The following CELF4 variants were observed in gnomAD, a reference collection of about 807,000 sequenced individuals.
CELF4 encodes CUGBP Elav-like family member 4, also known as CUG-BP- and ETR-3-like factor 4.
CELF4 carries 18 observed loss-of-function variants against 59.9 expected under a neutral mutation model. That is an observed-to-expected ratio of 0.30 (90% CI 0.21 to 0.45). The LOEUF (loss-of-function observed/expected upper bound fraction) is 0.45, where lower values mean the gene tolerates loss of function less well. Among genes scored for constraint, CELF4 ranks in the 20% least tolerant of loss-of-function variants. The probability of loss-of-function intolerance (pLI) is 1.00; values close to 1 mark genes in which losing one functional copy is unlikely to be tolerated. For missense variants in CELF4, 456 were observed against 689.0 expected (o/e 0.66, Z 3.79); for synonymous variants, 261 against 267.1 (o/e 0.98, Z 0.22).
At chr18:37,408,489 T>G (rs1007587865) in intron 2 of CELF4, among the ~76,000 whole-genome samples, 19 of 22,910 alleles carry the variant, frequency 8.3e-4, no homozygotes, top group Non-Finnish European at 1.6e-3. Context: ...CTTTGGTTGG[T>G]GCCGGGGGGG....
intron 2 of CELF4, among the ~76,000 whole-genome samples, chr18:37,338,795 G>GTGTGTGTGT (rs2097879098): frequency 3.1e-5 from 2 of 65,304 alleles, no homozygotes; most frequent in Admixed American, 1.5e-4. Flanking sequence ...TGTGTGTGTG[G>GTGTGTGTGT]TGTGTGTGAT....
chr18:37,423,991 G>A (rs898923827), intron 2 of CELF4, among the ~76,000 whole-genome samples: 1 of 151,904 alleles, frequency 6.6e-6, no homozygotes, highest in Non-Finnish European at 1.5e-5. Flanking sequence ...CTCCGCCACC[G>A]AGAAGCCTTC....
At chr18:37,496,536 T>A (rs1157694738) in intron 1 of CELF4, among the ~76,000 whole-genome samples, 2 of 152,158 alleles carry the variant, frequency 1.3e-5, no homozygotes, top group Non-Finnish European at 2.9e-5. Flanking sequence ...CAATAAATTT[T>A]TTTTAAAAAA....
At chr18:37,524,938 T>G (rs1481330696) in intron 1 of CELF4, among the ~76,000 whole-genome samples, 1 of 152,176 alleles carries the variant, frequency 6.6e-6, no homozygotes, top group Non-Finnish European at 1.5e-5. Flanking sequence ...CCCGCTTCGC[T>G]CTTTGAGCCC....
At chr18:37,344,872 C>T (rs1002656201) in intron 2 of CELF4, among the ~76,000 whole-genome samples, 1 of 152,180 alleles carries the variant, frequency 6.6e-6, no homozygotes, top group African/African-American at 2.4e-5. Flanking sequence ...ATTTCATCCC[C>T]CTAGAGATGC....
intron 2 of CELF4, among the ~76,000 whole-genome samples, 181 bp downstream of exon 2, chr18:37,485,344 A>G (rs901486946): frequency 6.6e-6 from 1 of 151,300 alleles, no homozygotes; most frequent in Admixed American, 6.6e-5. Flanking sequence ...CCTGTCCCGG[A>G]TCCCGTTGGG....
At chr18:37,265,740 C>T (rs1271809982) in intron 9 of CELF4, among the ~76,000 whole-genome samples, 3 of 152,170 alleles carry the variant, frequency 2.0e-5, no homozygotes, top group Non-Finnish European at 2.9e-5. Flanking sequence ...CTCCTCTGGG[C>T]TCCAGATGTG....
chr18:37,358,387 G>T (rs2098640045), intron 2 of CELF4, among the ~76,000 whole-genome samples: 1 of 152,204 alleles, frequency 6.6e-6, no homozygotes, highest in Non-Finnish European at 1.5e-5. Flanking sequence ...TGATTGTGAG[G>T]CTTCCCCAGC....
intron 1 of CELF4, among the ~76,000 whole-genome samples, chr18:37,555,600 C>A (rs1459508249): frequency 6.6e-6 from 1 of 151,934 alleles, no homozygotes; most frequent in African/African-American, 2.4e-5. Flanking sequence ...CCTCACCCAT[C>A]AACAGCGACA....
chr18:37,333,173 G>T lies in CELF4; in HGVS notation c.370-11292C>A, dbSNP rs568154249. Reference sequence around the variant, plus strand: ...CATATACTTGCTCATACAAGGCGGGGCTGTTAACTTAACCTCTGAGAGGCA... The same window carrying T: ...CATATACTTGCTCATACAAGGCGGGTCTGTTAACTTAACCTCTGAGAGGCA... On this transcript the variant is annotated intron_variant, in intron 2 of 12. Coordinates refer to ENST00000420428, the MANE Select transcript of CELF4 (RefSeq NM_020180.4). 2.6e-5 allele frequency among the ~76,000 whole-genome samples: 4 copies of T among 152,228 alleles called. No homozygotes were observed. The South Asian group carries it at 8.3e-4, about 32-fold the overall frequency.
intron 2 of CELF4, among the ~76,000 whole-genome samples, chr18:37,433,452 T>C (rs2154600861): frequency 6.6e-6 from 1 of 152,352 alleles, no homozygotes; most frequent in Middle Eastern, 3.4e-3. Context: ...TGAATGTTGC[T>C]TGAGGACAAG....
chr18:37,478,131 G>T (rs950818177), intron 2 of CELF4, among the ~76,000 whole-genome samples: 1 of 152,174 alleles, frequency 6.6e-6, no homozygotes, highest in Non-Finnish European at 1.5e-5. Context: ...TCTCCCTGTT[G>T]TCTTAAGTAA....
intron 2 of CELF4, among the ~76,000 whole-genome samples, chr18:37,382,779 G>A (rs1183046609): frequency 6.6e-6 from 1 of 152,072 alleles, no homozygotes; most frequent in Non-Finnish European, 1.5e-5. Flanking sequence ...AAACTCTTGT[G>A]CACTTTGCTC....
At chr18:37,488,858 C>A (rs1199912071) in intron 1 of CELF4, among the ~76,000 whole-genome samples, 1 of 152,204 alleles carries the variant, frequency 6.6e-6, no homozygotes, top group Non-Finnish European at 1.5e-5. Context: ...AAGAAGGAAG[C>A]AGTGAGAGAA....
At chr18:37,357,352 C>G (rs1469086684) in intron 2 of CELF4, among the ~76,000 whole-genome samples, 1 of 152,210 alleles carries the variant, frequency 6.6e-6, no homozygotes, top group East Asian at 1.9e-4. Flanking sequence ...AGGGTGCAAA[C>G]CTCAAGCCTT....
chr18:37,274,075 C>T, intron 6 of CELF4: 1 of 1,360,742 alleles, frequency 7.3e-7, no homozygotes, highest in Non-Finnish European at 9.4e-7. Context: ...TCAGCTCTGC[C>T]CCTTAGAACT....
In CELF4 at chr18:37,470,878, GTGTGT is replaced by G. The variant is rs1569569551; in HGVS notation, c.369+14642_369+14646del. 5.8e-3 allele frequency among the ~76,000 whole-genome samples: 641 copies of G among 111,462 alleles called. 7 individuals carry two copies. Among genetic ancestry groups the G allele is most frequent in the East Asian group, 0.05 (151 of 3,048 alleles). 73.1% of individuals were successfully genotyped at this position (111,462 alleles called of 152,430 possible). On this transcript the variant is annotated intron_variant, in intron 2 of 12. Coordinates refer to ENST00000420428, the MANE Select transcript of CELF4 (RefSeq NM_020180.4). The stretch of plus-strand genomic sequence containing the variant: ...TGTGTGTGTGTGTGTGTGTGTGTGT[GTGTGT>G]GTGTGACAGAGAGAGAGAGAGAGAG...
chr18:37,424,738 C>T (rs1181569208), intron 2 of CELF4, among the ~76,000 whole-genome samples: 1 of 152,132 alleles, frequency 6.6e-6, no homozygotes, highest in African/African-American at 2.4e-5. Context: ...TAAGCTCAGC[C>T]CAGCTTTGGC....
At chr18:37,384,032 C>T (rs2099071594) in intron 2 of CELF4, among the ~76,000 whole-genome samples, 4 of 152,290 alleles carry the variant, frequency 2.6e-5, no homozygotes, top group South Asian at 2.1e-4. Flanking sequence ...CTGCTCCCCA[C>T]GGTGCTGAGC....
Sources: gnomAD v4.1 joint callset for allele counts (sites outside exome capture counted in the v4.1 genomes callset) on GRCh38, gnomAD v4.1.1 for gene constraint, MANE v1.5 for transcripts, NCBI Gene and HGNC (gene_info 2026-07-23, HGNC 2026-07-21) for gene names.